The following DUSP22 variants were observed in gnomAD, a reference collection of about 807,000 sequenced individuals.
DUSP22 encodes the protein dual specificity phosphatase 22.
DUSP22 carries 24 observed loss-of-function variants against 24.5 expected under a neutral mutation model. The observed-to-expected ratio is 0.98, with a 90% CI of 0.71 to 1.38. The LOEUF is 1.38. Among genes scored for constraint, DUSP22 ranks in the 40% most tolerant of loss-of-function variants. The pLI is 0.00. For missense variants in DUSP22, 330 were observed against 269.2 expected (o/e 1.23, Z -1.58); for synonymous variants, 160 against 106.4 (o/e 1.50, Z -3.10).
At chr6:334,689 A>G (rs985495064) in intron 3 of DUSP22, among the ~76,000 whole-genome samples, 1 of 152,304 alleles carries the variant, frequency 6.6e-6, no homozygotes, top group Non-Finnish European at 1.5e-5. Context: ...GTGACATTAT[A>G]GTTTTCACTC....
intron 1 of DUSP22, among the ~76,000 whole-genome samples, chr6:293,113 T>A (rs1326931593): frequency 6.6e-6 from 1 of 152,228 alleles, no homozygotes; most frequent in Non-Finnish European, 1.5e-5. Context: ...AGATTCAGAG[T>A]TGATTAGGTT....
chr6:325,565 G>A (rs1561666107), intron 3 of DUSP22: 1 of 156,902 alleles, frequency 6.4e-6, no homozygotes, highest in Non-Finnish European at 1.3e-5. Context: ...GCGGGTGCCT[G>A]GAGAGTCATC....
intron 3 of DUSP22, among the ~76,000 whole-genome samples, chr6:328,747 T>G (rs1371892088): frequency 6.6e-6 from 1 of 152,302 alleles, no homozygotes; most frequent in Non-Finnish European, 1.5e-5. Context: ...GCAGCCTAAC[T>G]AATGGAGCAT....
intron 5 of DUSP22, among the ~76,000 whole-genome samples, chr6:347,684 G>A (rs1041452774): frequency 6.6e-6 from 1 of 152,426 alleles, no homozygotes; most frequent in Non-Finnish European, 1.5e-5. Flanking sequence ...GAGAAAACTC[G>A]ACTTTTAAGG....
chr6:295,305 G>A (rs1275292724), intron 1 of DUSP22, among the ~76,000 whole-genome samples: 1 of 152,294 alleles, frequency 6.6e-6, no homozygotes, highest in East Asian at 1.9e-4. Flanking sequence ...TGCATTCTGA[G>A]TGCTTTGGGA....
intron 3 of DUSP22, among the ~76,000 whole-genome samples, chr6:316,931 G>A (rs1758362851): frequency 6.6e-6 from 1 of 152,304 alleles, no homozygotes; most frequent in Admixed American, 6.5e-5. Context: ...TAGATTTTAT[G>A]AGCTAGAGTT....
chr6:299,635 G>T (rs28733559), intron 1 of DUSP22, among the ~76,000 whole-genome samples: 7 of 152,238 alleles, frequency 4.6e-5, no homozygotes, highest in Non-Finnish European at 4.4e-5. Context: ...GAAGTTAAAG[G>T]TTGACTGACA....
chr6:315,291 C>T (rs1264315270), intron 3 of DUSP22, among the ~76,000 whole-genome samples: 2 of 152,310 alleles, frequency 1.3e-5, no homozygotes, highest in African/African-American at 2.4e-5. Flanking sequence ...CTATGCCCCA[C>T]TGCTCTCTGT....
At chr6:317,753 T>G (rs373295398) in intron 3 of DUSP22, among the ~76,000 whole-genome samples, 2 of 152,426 alleles carry the variant, frequency 1.3e-5, no homozygotes, top group South Asian at 4.1e-4. Flanking sequence ...CTCTGGTCCT[T>G]GCAGCACTCG....
chr6:305,449 T>C (rs1757779602), intron 2 of DUSP22, among the ~76,000 whole-genome samples: 1 of 152,310 alleles, frequency 6.6e-6, no homozygotes, highest in African/African-American at 2.4e-5. Flanking sequence ...TATTGAGAAA[T>C]TTTCAGAAGC....
intron 2 of DUSP22, among the ~76,000 whole-genome samples, chr6:308,932 C>T (rs190940771): frequency 6.6e-6 from 1 of 152,422 alleles, no homozygotes; most frequent in Admixed American, 6.5e-5. Flanking sequence ...TGCCCCGCCT[C>T]TACTGGGTCC....
chr6:333,602 A>G (rs1400770762), intron 3 of DUSP22, among the ~76,000 whole-genome samples: 1 of 152,300 alleles, frequency 6.6e-6, no homozygotes, highest in Non-Finnish European at 1.5e-5. Context: ...AACAGCTTTT[A>G]CTAAGAGAGA....
intron 4 of DUSP22, among the ~76,000 whole-genome samples, chr6:335,533 G>A (rs1165110033): frequency 6.6e-6 from 1 of 152,296 alleles, no homozygotes; most frequent in African/African-American, 2.4e-5. Context: ...AATAGATAGT[G>A]AGCCACAAAT....
At chr6:310,477 CA>C (rs1159054759) in intron 2 of DUSP22, among the ~76,000 whole-genome samples, 2 of 152,300 alleles carry the variant, frequency 1.3e-5, no homozygotes, top group African/African-American at 4.8e-5. Flanking sequence ...TTCTTAGTTT[CA>C]TATGGAGATA....
rs1029555267 is a variant in DUSP22 at position 349,596 on chromosome 6, T to A, written c.*645T>A. ...GGGGGCAACAGGGGCCAGACTCCTC[T>A]AGAGGGAGGGTGGCTCTGGGGCCCT... is the stretch of plus-strand genomic sequence containing the variant. On this transcript the variant is annotated 3_prime_UTR_variant, in exon 7 of 7. Transcript: ENST00000419235. 9.1e-6 allele frequency: 9 copies of A among 987,784 alleles called. No individual in the cohort carries two copies. Among genetic ancestry groups the A allele is most frequent in the Non-Finnish European group, 3.6e-6 (3 of 831,886 alleles). 61.2% of individuals were successfully genotyped at this position (987,784 alleles called of 1,614,324 possible).
chr6:335,069 T>C, intron 3 of DUSP22, 45 bp from the exon 4 acceptor site: 1 of 1,586,402 alleles, frequency 6.3e-7, no homozygotes, highest in Non-Finnish European at 8.6e-7. Flanking sequence ...CTCCACTGAG[T>C]TTCATGTTTT....
At chr6:347,083 C>G (rs986981746) in intron 5 of DUSP22, among the ~76,000 whole-genome samples, 26 of 152,282 alleles carry the variant, frequency 1.7e-4, no homozygotes, top group African/African-American at 6.3e-4. Flanking sequence ...TTGGCTTTAA[C>G]ATACCTTGGG....
chr6:299,368 G>A (rs1361825071), intron 1 of DUSP22, among the ~76,000 whole-genome samples: 4 of 152,304 alleles, frequency 2.6e-5, no homozygotes, highest in South Asian at 2.1e-4. Context: ...TGTATTCAGG[G>A]ATTACCAGCA....
chr6:316,729 C>A (rs1758354292), intron 3 of DUSP22, among the ~76,000 whole-genome samples: 1 of 152,294 alleles, frequency 6.6e-6, no homozygotes, highest in Non-Finnish European at 1.5e-5. Flanking sequence ...CTGCAGGAAA[C>A]AAAACTATTT....
Sources: gnomAD v4.1 joint callset for allele counts (sites outside exome capture counted in the v4.1 genomes callset) on GRCh38, gnomAD v4.1.1 for gene constraint, MANE v1.5 for transcripts, NCBI Gene and HGNC (gene_info 2026-07-23, HGNC 2026-07-21) for gene names.